ATF7IP: variants seen among roughly 807,000 people sequenced by gnomAD.
The protein encoded by ATF7IP is activating transcription factor 7 interacting protein.
Under a neutral mutation model 106.4 loss-of-function variants are expected in ATF7IP, and 23 were observed. That is an observed-to-expected ratio of 0.22 (90% CI 0.16 to 0.31). The LOEUF is 0.31. Among genes scored for constraint, ATF7IP ranks in the 10% least tolerant of loss-of-function variants. The pLI, the probability that ATF7IP is intolerant of heterozygous loss-of-function variation, is 1.00. For synonymous variants in ATF7IP, 542 were observed against 539.0 expected (o/e 1.01, Z -0.08); for missense variants, 1,334 against 1,524.3 (o/e 0.88, Z 2.08).
intron 1 of ATF7IP, among the ~76,000 whole-genome samples, chr12:14,372,501 A>G (rs970127536): frequency 1.1e-4 from 17 of 151,426 alleles, no homozygotes; most frequent in African/African-American, 4.1e-4. Context: ...GGGAACAGTT[A>G]TACCTTCCTG....
chr12:14,424,867 G>GA lies in ATF7IP; in HGVS notation c.959dup (p.Asn320LysfsTer4). On this transcript the variant is annotated frameshift_variant, in exon 2 of 15. Transcript: ENST00000261168. LOFTEE classifies it high-confidence loss of function. ...TAGCAATAAAGATGATGATTTTCTT[G>GA]AAAAAAATGGAGCTGATGAAAAATT... is the stretch of plus-strand genomic sequence containing the variant. The GA allele has an allele frequency of 6.2e-7, 1 of 1,607,470 alleles. No individual in the cohort carries two copies. The highest frequency in any genetic ancestry group is 8.5e-7 in the Non-Finnish European group (1 of 1,178,344).
intron 10 of ATF7IP, among the ~76,000 whole-genome samples, chr12:14,474,397 C>A (rs578225164): frequency 7.0e-6 from 1 of 142,390 alleles, no homozygotes; most frequent in South Asian, 2.2e-4. Context: ...ATATTTAATT[C>A]TTTGAATTTT....
At chr12:14,410,733 T>C (rs890100838) in intron 1 of ATF7IP, among the ~76,000 whole-genome samples, 6 of 151,298 alleles carry the variant, frequency 4.0e-5, no homozygotes, top group Non-Finnish European at 7.4e-5. Flanking sequence ...CTGTTCCTAA[T>C]TTATAAGTTA....
intron 1 of ATF7IP, among the ~76,000 whole-genome samples, chr12:14,416,213 G>T (rs906169421): frequency 1.3e-5 from 2 of 152,068 alleles, no homozygotes; most frequent in African/African-American, 2.4e-5. Flanking sequence ...GATTCTTAAA[G>T]AATCTAATAG....
At chr12:14,494,565 A>G (rs1944949594) in intron 13 of ATF7IP, among the ~76,000 whole-genome samples, 1 of 147,682 alleles carries the variant, frequency 6.8e-6, no homozygotes, top group Non-Finnish European at 1.5e-5. Flanking sequence ...AAATATATGT[A>G]AAATACTTTA....
At chr12:14,470,636 A>C (rs1331743789) in intron 10 of ATF7IP, among the ~76,000 whole-genome samples, 1 of 152,222 alleles carries the variant, frequency 6.6e-6, no homozygotes, top group African/African-American at 2.4e-5. Context: ...TCACTTATAA[A>C]GTAGAGCTAG....
In ATF7IP at chr12:14,373,233, G is replaced by T. The variant is rs762700048; in HGVS notation, c.-8+7406G>T. Among the ~76,000 whole-genome samples the T allele has an allele frequency of 2.0e-5, 3 of 152,194 alleles. No homozygotes were observed. In the East Asian group the frequency reaches 5.8e-4, roughly 29 times the overall value. On this transcript the variant is annotated intron_variant, in intron 1 of 14. Transcript: ENST00000261168. ...TCCTTTTAGGTGGTAAATGTCAGAA[G>T]TGAATTCCATTAGAGTAAAAACTAA...
At position 14,473,288 on chromosome 12, in the gene ATF7IP, C is replaced by CTGTGTGTG. The variant is rs796814505; in HGVS notation, c.2863-2601_2863-2600insGTGTGTGT. Among the ~76,000 whole-genome samples, 174 of 140,400 alleles carry CTGTGTGTG rather than the reference C, an allele frequency of 1.2e-3. 1 individual carries two copies. The highest frequency in any genetic ancestry group is 1.5e-3 in the Non-Finnish European group (96 of 64,676). The allele number at this position is 140,400 out of a possible 152,430, so 92.1% of individuals were successfully genotyped here. On this transcript the variant is annotated intron_variant, in intron 10 of 14. Transcript: ENST00000261168. Reference sequence around the variant, plus strand: ...GCTTTTTAGCGCGCTCTCTCTCTCTCTCTGTGTGTGTGTGTGTGTGTGTGT... The same window carrying CTGTGTGTG: ...GCTTTTTAGCGCGCTCTCTCTCTCTCTGTGTGTGTCTGTGTGTGTGTGTGTGTGTGTGT...
rs895728692 is a variant in ATF7IP at position 14,496,127 on chromosome 12, A to G, written c.3281-104A>G. The G allele has an allele frequency of 1.9e-4, 134 of 709,410 alleles. 1 individual carries two copies. The highest frequency in any genetic ancestry group is 1.6e-4 in the Non-Finnish European group (67 of 418,988). 43.9% of individuals were successfully genotyped at this position (709,410 alleles called of 1,614,324 possible). Reference sequence around the variant, plus strand: ...AGGTTAGAAATATCTTTCCTTTCGAATCTTGAAAACATTGCTTCACTGCCT... The same window carrying G: ...AGGTTAGAAATATCTTTCCTTTCGAGTCTTGAAAACATTGCTTCACTGCCT... On this transcript the variant is annotated intron_variant, in intron 13 of 14. Transcript: ENST00000261168.
Position 14,436,261 on chromosome 12 carries a change from C to A in ATF7IP, c.1791+10C>A. The A allele has an allele frequency of 6.2e-7, 1 of 1,607,746 alleles. No individual in the cohort carries two copies. The highest frequency in any genetic ancestry group is 1.1e-5 in the South Asian group (1 of 90,554). On this transcript the variant is annotated intron_variant, in intron 4 of 14. Transcript: ENST00000261168. ...CCAGAAACTTCAAAAGGTATTGTGTCAATTATAAGTTATAAACCATATTGA... is the reference window on the plus strand; with the variant it reads ...CCAGAAACTTCAAAAGGTATTGTGTAAATTATAAGTTATAAACCATATTGA...
intron 1 of ATF7IP, among the ~76,000 whole-genome samples, chr12:14,389,607 A>G (rs10734875): frequency 0.55 from 82,845 of 151,956 alleles, 23,056 homozygotes; most frequent in African/African-American, 0.66. Flanking sequence ...TCACCAGCCC[A>G]TTTCTCTAAT....
intron 1 of ATF7IP, among the ~76,000 whole-genome samples, chr12:14,397,193 AC>A (rs1229948439): frequency 6.6e-6 from 1 of 152,130 alleles, no homozygotes; most frequent in South Asian, 2.1e-4. Flanking sequence ...AAACAAAAAA[AC>A]AAAACACCAA....
Position 14,498,333 on chromosome 12 carries a change from G to C in ATF7IP, c.*260G>C. ...TTAGTTTTGAGGCTGGGGAATATGT[G>C]TGGGTGTTTATGTGTGTTTTTCCTT... is the stretch of plus-strand genomic sequence containing the variant. On this transcript the variant is annotated 3_prime_UTR_variant, in exon 15 of 15. Coordinates refer to ENST00000261168, the MANE Select transcript of ATF7IP (RefSeq NM_018179.5). 2.5e-6 allele frequency: 1 copy of C among 392,170 alleles called. No homozygotes were observed. The highest frequency in any genetic ancestry group is 4.6e-6 in the Non-Finnish European group (1 of 218,678). The allele number at this position is 392,170 out of a possible 1,614,324, so 24.3% of individuals were successfully genotyped here. A position where few individuals can be genotyped will look rare whatever the true frequency, so the allele number is the denominator to read the frequency against.
rs186764412 is a variant in ATF7IP, at chr12:14,396,737, A to G, written c.-7-27172A>G. Among the ~76,000 whole-genome samples the G allele has an allele frequency of 7.4e-4, 113 of 152,290 alleles. 1 individual carries two copies. The highest frequency in any genetic ancestry group is 3.5e-3 in the Admixed American group (54 of 15,288). On this transcript the variant is annotated intron_variant, in intron 1 of 14. Transcript: ENST00000261168. ...CTAGTTTTTACATATAGACAAAGAG[A>G]AAAAGAGTTGATAGACAAAAACAGG...
intron 9 of ATF7IP, among the ~76,000 whole-genome samples, chr12:14,465,553 T>C (rs932887798): frequency 6.6e-6 from 1 of 151,694 alleles, no homozygotes; most frequent in Non-Finnish European, 1.5e-5. Context: ...ATAGATAATA[T>C]ATTAATATTC....
At chr12:14,452,197 A>G (rs1336581835) in intron 6 of ATF7IP, among the ~76,000 whole-genome samples, 2 of 152,044 alleles carry the variant, frequency 1.3e-5, no homozygotes, top group Non-Finnish European at 2.9e-5. Flanking sequence ...GCATGGTAAT[A>G]TTTTTCCATC....
intron 1 of ATF7IP, among the ~76,000 whole-genome samples, chr12:14,398,592 C>T (rs916232342): frequency 6.6e-6 from 1 of 151,402 alleles, no homozygotes; most frequent in East Asian, 1.9e-4. Flanking sequence ...ATTGGGTATA[C>T]AGTTCTATTT....
chr12:14,389,359 G>A (rs568109580), intron 1 of ATF7IP, among the ~76,000 whole-genome samples: 1 of 152,298 alleles, frequency 6.6e-6, no homozygotes, highest in South Asian at 2.1e-4. Context: ...AGCCAATATA[G>A]AATGTTGACA....
intron 11 of ATF7IP, 156 bp downstream of exon 11, chr12:14,476,124 T>G (rs777169279): frequency 8.1e-6 from 5 of 618,212 alleles, no homozygotes; most frequent in Non-Finnish European, 1.1e-5. Context: ...AATTTTAAAA[T>G]TTGGCCAGGT....
Sources: gnomAD v4.1 joint callset for allele counts (sites outside exome capture counted in the v4.1 genomes callset) on GRCh38, gnomAD v4.1.1 for gene constraint, MANE v1.5 for transcripts, NCBI Gene and HGNC (gene_info 2026-07-23, HGNC 2026-07-21) for gene names.